Variants in GPHN observed in about 807,000 individuals in gnomAD.
GPHN encodes the protein gephyrin.
In GPHN, 17 loss-of-function variants were observed where a neutral mutation model predicts 95.5. The observed-to-expected ratio is 0.18, with a 90% CI of 0.12 to 0.27. The LOEUF is 0.27. GPHN is among the 10% of genes least tolerant of loss of function. The probability of loss-of-function intolerance (pLI) is 1.00; values close to 1 mark genes in which losing one functional copy is unlikely to be tolerated. For missense variants in GPHN, 660 were observed against 978.1 expected, an observed-to-expected ratio of 0.67 and a Z score of 4.34; for synonymous variants, 320 against 322.5, an observed-to-expected ratio of 0.99 and a Z score of 0.08.
the GPHN span, among the ~76,000 whole-genome samples, chr14:67,632,376 C>T: frequency 6.6e-6 from 1 of 152,206 alleles, no homozygotes; most frequent in Admixed American, 6.5e-5. Context: ...ATGTTTTTTA[C>T]ACCACCTCCA....
chr14:67,601,394 C>G, the GPHN span, among the ~76,000 whole-genome samples: 1 of 152,128 alleles, frequency 6.6e-6, no homozygotes, highest in Non-Finnish European at 1.5e-5. Context: ...CTTGTAGGGT[C>G]TGGTAAGGAG....
chr14:66,556,608 A>G (rs923668352), intron 1 of GPHN, among the ~76,000 whole-genome samples: 4 of 152,216 alleles, frequency 2.6e-5, no homozygotes, highest in African/African-American at 4.8e-5. Context: ...ATTTATATTC[A>G]CATCAGTGAA....
At chr14:67,347,315 C>G in the GPHN span, 1 of 1,000,304 alleles carries the variant, frequency 1.0e-6, no homozygotes, top group Non-Finnish European at 1.5e-6. Flanking sequence ...AGGAACCTCT[C>G]AACATCTAGC....
chr14:66,879,469 A>G (rs146109750), intron 4 of GPHN, among the ~76,000 whole-genome samples: 74 of 152,216 alleles, frequency 4.9e-4, no homozygotes, highest in Admixed American at 1.6e-3. Context: ...GAAACCTGAC[A>G]TGATGACTTC....
the GPHN span, among the ~76,000 whole-genome samples, chr14:67,430,196 A>G: frequency 1.4e-4 from 22 of 152,162 alleles, no homozygotes; most frequent in Non-Finnish European, 2.8e-4. Flanking sequence ...CCACAAAACC[A>G]CAGAGCTTGG....
intron 8 of GPHN, 80 bp downstream of exon 8, chr14:66,924,372 T>A (rs2066371555): frequency 1.2e-6 from 1 of 800,896 alleles, no homozygotes; most frequent in African/African-American, 1.7e-5. Flanking sequence ...CTGTAACATA[T>A]GGAAGATGTG....
intron 2 of GPHN, among the ~76,000 whole-genome samples, chr14:66,681,866 A>G (rs1033752267): frequency 6.6e-6 from 1 of 152,204 alleles, no homozygotes; most frequent in African/African-American, 2.4e-5. Flanking sequence ...AATAATTAAA[A>G]CTAGTTAAGC....
the GPHN span, chr14:67,663,051 G>C: frequency 6.9e-7 from 1 of 1,454,298 alleles, no homozygotes; most frequent in East Asian, 2.6e-5. Context: ...GAGGCTGTCT[G>C]GTGTGGTGCT....
At chr14:67,573,759 C>A in the GPHN span, 1 of 1,294,888 alleles carries the variant, frequency 7.7e-7, no homozygotes, top group East Asian at 2.3e-5. The surrounding 1 kb of genome is among the most constrained non-coding windows in gnomAD (Gnocchi z 4.8). Flanking sequence ...TCCGGAAAGG[C>A]TCCACATTCA....
chr14:67,606,304 G>T, the GPHN span, among the ~76,000 whole-genome samples: 1 of 152,176 alleles, frequency 6.6e-6, no homozygotes, highest in African/African-American at 2.4e-5. Flanking sequence ...GAACAGTAGA[G>T]CTTAATATTT....
At chr14:66,828,443 A>G in intron 4 of GPHN, among the ~76,000 whole-genome samples, 1 of 152,172 alleles carries the variant, frequency 6.6e-6, no homozygotes, top group South Asian at 2.1e-4. Context: ...AGCTGTTTCT[A>G]GACACATTTA....
chr14:66,608,572 C>T (rs2062645954), intron 1 of GPHN, among the ~76,000 whole-genome samples: 1 of 152,052 alleles, frequency 6.6e-6, no homozygotes, highest in Admixed American at 6.6e-5. Context: ...CTGTCTAATC[C>T]TGTCACTGGG....
chr14:66,973,078 A>G (rs1363609633), intron 9 of GPHN, among the ~76,000 whole-genome samples: 1 of 152,228 alleles, frequency 6.6e-6, no homozygotes, highest in Non-Finnish European at 1.5e-5. Flanking sequence ...AAATCAAATG[A>G]GCAAACTGGC....
intron 17 of GPHN, among the ~76,000 whole-genome samples, chr14:67,137,454 T>C (rs1374415175): frequency 3.3e-5 from 5 of 151,836 alleles, no homozygotes; most frequent in African/African-American, 1.2e-4. Flanking sequence ...TGACTCTGTC[T>C]TAAAAAAGAA....
intron 4 of GPHN, among the ~76,000 whole-genome samples, chr14:66,861,092 CTGAA>C (rs1387044808): frequency 6.6e-6 from 1 of 151,896 alleles, no homozygotes; most frequent in Non-Finnish European, 1.5e-5. Context: ...GACAGAGTGG[CTGAA>C]TGAATGAAAA....
intron 4 of GPHN, among the ~76,000 whole-genome samples, chr14:66,859,200 A>G (rs932015186): frequency 9.2e-5 from 14 of 152,118 alleles, no homozygotes; most frequent in African/African-American, 3.1e-4. Flanking sequence ...GGCCTTGGGT[A>G]AGACCCAGTG....
chr14:67,086,342 T>C (rs2076881008), intron 11 of GPHN, among the ~76,000 whole-genome samples: 1 of 152,184 alleles, frequency 6.6e-6, no homozygotes, highest in Non-Finnish European at 1.5e-5. Context: ...TAGTTATTAC[T>C]ATGGTGGTAG....
chr14:67,204,854 A>G, the GPHN span: 1 of 1,613,858 alleles, frequency 6.2e-7, no homozygotes, highest in African/African-American at 1.3e-5. Context: ...ACAGGCCCTG[A>G]ACATGTCAGG....
intron 1 of GPHN, among the ~76,000 whole-genome samples, chr14:66,663,172 C>T (rs1014886337): frequency 6.6e-5 from 10 of 152,258 alleles, no homozygotes; most frequent in Non-Finnish European, 1.2e-4. Flanking sequence ...GACACATAAT[C>T]ATCAGATTCT....
Sources: allele counts gnomAD v4.1 joint callset (sites outside exome capture counted in the v4.1 genomes callset), GRCh38; gene constraint gnomAD v4.1.1; non-coding constraint Gnocchi (gnomAD v3.1); transcripts MANE v1.5; gene names NCBI Gene and HGNC (gene_info 2026-07-23, HGNC 2026-07-21).